The following BCAR1 variants were observed in gnomAD, a reference collection of about 807,000 sequenced individuals.
BCAR1 encodes BCAR1 scaffold protein, Cas family member, also known as breast cancer anti-estrogen resistance protein 1.
A neutral mutation model predicts 67.6 loss-of-function variants in BCAR1; 30 were observed. The ratio of observed to expected loss-of-function variants is 0.44; its 90% CI spans 0.33 to 0.60. The LOEUF (loss-of-function observed/expected upper bound fraction) is 0.60. BCAR1 is among the 20% of genes least tolerant of loss of function. The pLI is 0.02. For missense variants in BCAR1, 1,313 were observed against 1,222.3 expected (o/e 1.07, Z -1.11); for synonymous variants, 626 against 556.7 (o/e 1.12, Z -1.75).
At chr16:75,265,032 G>A (rs552364218) in intron 1 of BCAR1, 1 of 152,634 alleles carries the variant, frequency 6.6e-6, no homozygotes, top group South Asian at 2.1e-4. Flanking sequence ...CAGGAGGTGA[G>A]ACTGAGATGC....
At chr16:75,256,879 A>G (rs2077788759) in intron 1 of BCAR1, among the ~76,000 whole-genome samples, 1 of 152,220 alleles carries the variant, frequency 6.6e-6, no homozygotes, top group African/African-American at 2.4e-5. Flanking sequence ...GCCCTCCCAG[A>G]CAGGTCCTCC....
chr16:75,253,922 A>C (rs1394177664), upstream of BCAR1, among the ~76,000 whole-genome samples: 1 of 151,550 alleles, frequency 6.6e-6, no homozygotes, highest in African/African-American at 2.4e-5. Flanking sequence ...CCATGCATTT[A>C]TTTTGTGCAC....
chr16:75,258,110 C>T (rs550164226), intron 1 of BCAR1, among the ~76,000 whole-genome samples: 2 of 152,354 alleles, frequency 1.3e-5, no homozygotes, highest in South Asian at 4.1e-4. Flanking sequence ...CACCCTGCGC[C>T]ATCACACACT....
chr16:75,237,797 G>A (rs545226229), intron 2 of BCAR1, among the ~76,000 whole-genome samples: 2 of 152,172 alleles, frequency 1.3e-5, no homozygotes, highest in East Asian at 3.9e-4. Context: ...CCACCTAGCT[G>A]TAGCCTCCTC....
chr16:75,266,154 T>A (rs1202592656), intron 1 of BCAR1: 7 of 479,428 alleles, frequency 1.5e-5, no homozygotes, highest in Non-Finnish European at 1.9e-5. Flanking sequence ...GCGGGCCACC[T>A]CCAGTCGCAC....
At chr16:75,266,937 C>G (rs979732148) in intron 1 of BCAR1, 26 of 270,584 alleles carry the variant, frequency 9.6e-5, no homozygotes, top group African/African-American at 5.5e-4. Flanking sequence ...CCTAGGGAAT[C>G]TCTGTGTGGG....
At chr16:75,252,696 G>A (rs544648256), upstream of BCAR1, among the ~76,000 whole-genome samples, 17 of 152,332 alleles carry the variant, frequency 1.1e-4, no homozygotes, top group South Asian at 2.1e-4. Context: ...GGGTAGACCC[G>A]GCTTCACGCA....
chr16:75,267,111 G>A (rs140066167), intron 1 of BCAR1, among the ~76,000 whole-genome samples: 122 of 152,300 alleles, frequency 8.0e-4, no homozygotes, highest in African/African-American at 2.9e-3. Flanking sequence ...TTTTCCCCAA[G>A]GGGCGTGCAG....
At chr16:75,252,871 C>A (rs2077707832), upstream of BCAR1, among the ~76,000 whole-genome samples, 1 of 152,190 alleles carries the variant, frequency 6.6e-6, no homozygotes, top group African/African-American at 2.4e-5. Context: ...TGAAAAGGGG[C>A]TAGGACAGCC....
At position 75,238,858 on chromosome 16, in the gene BCAR1, G is replaced by A. The variant is rs888969056; in HGVS notation, c.634-1514C>T. ...CAGGTTGGCTGGGCCTCGAGGCACG[G>A]CCTGAGGCTTCTCCAGGCCTCCCAG... On this transcript the variant is annotated intron_variant, in intron 2 of 6. Transcript: ENST00000162330. The A allele has an allele frequency of 4.1e-6, 4 of 985,284 alleles. No individual in the cohort carries two copies. In the African/African-American group the frequency reaches 7.0e-5, roughly 17 times the overall value. The allele number at this position is 985,284 out of a possible 1,614,324, so 61.0% of individuals were successfully genotyped here.
Position 75,235,814 on chromosome 16 carries a change from T to A in BCAR1, c.1085A>T (p.Tyr362Phe). 6.3e-7 allele frequency: 1 copy of A among 1,591,238 alleles called. No individual in the cohort carries two copies. Among genetic ancestry groups the A allele is most frequent in the South Asian group, 1.1e-5 (1 of 87,960 alleles). ...PPDSPPAEDV[Y>F]DVPPPAPDLY... ...GTCAGGAGCCGGGGGCGGCACGTCATACACGTCCTCGGCCGGCGGGGAGTC... is the reference window on the plus strand; with the variant it reads ...GTCAGGAGCCGGGGGCGGCACGTCAAACACGTCCTCGGCCGGCGGGGAGTC... Residue 362 changes from tyrosine (Y) to phenylalanine (F), a missense_variant, in exon 5 of 7, where the codon TAT becomes TTT. Coordinates refer to ENST00000162330, the MANE Select transcript of BCAR1 (RefSeq NM_014567.5).
rs201994321 is a variant in BCAR1, at chr16:75,234,848, C to T, written c.2010+41G>A. 72 of 1,515,124 alleles carry T rather than the reference C, an allele frequency of 4.8e-5. No homozygotes were observed. In the Admixed American group the frequency reaches 9.5e-4, roughly 20 times the overall value. The allele number at this position is 1,515,124 out of a possible 1,614,324, so 93.9% of individuals were successfully genotyped here. A position where few individuals can be genotyped will look rare whatever the true frequency, so the allele number is the denominator to read the frequency against. On this transcript the variant is annotated intron_variant, in intron 5 of 6. Transcript: ENST00000162330. Reference sequence around the variant, plus strand: ...TCTCCCCCTAAGCACAGGAGCCCAGCGTGGCAGAAGAGGAGCCGGGGCTGG... The same window carrying T: ...TCTCCCCCTAAGCACAGGAGCCCAGTGTGGCAGAAGAGGAGCCGGGGCTGG...
In BCAR1 at chr16:75,228,316, A is replaced by C. The variant is rs1483130369; in HGVS notation, c.*1195T>G. On this transcript the variant is annotated 3_prime_UTR_variant, in exon 7 of 7. Transcript: ENST00000162330. ...AGAGGTAAGATCAGGAGGGCTTGCG[A>C]ATCACCCAGCCCTACTCCCTTCTTC... 1 of 152,198 alleles carries C rather than the reference A, an allele frequency of 6.6e-6. No individual in the cohort carries two copies. 9.4% of individuals were successfully genotyped at this position (152,198 alleles called of 1,614,324 possible). A position where few individuals can be genotyped will look rare whatever the true frequency, so the allele number is the denominator to read the frequency against.
intron 2 of BCAR1, among the ~76,000 whole-genome samples, chr16:75,241,077 C>T (rs557891542): frequency 1.8e-4 from 28 of 152,372 alleles, no homozygotes; most frequent in Admixed American, 1.1e-3. Context: ...CGTGTGCATA[C>T]GCACATACAT....
At chr16:75,236,444 C>G (rs191884831) in intron 4 of BCAR1, 256 of 336,092 alleles carry the variant, frequency 7.6e-4, no homozygotes, top group African/African-American at 5.0e-3. Flanking sequence ...TGTTACCACC[C>G]AGCACCACCA....
intron 6 of BCAR1, among the ~76,000 whole-genome samples, chr16:75,230,491 CATT>C (rs976677852): frequency 2.0e-5 from 3 of 152,180 alleles, no homozygotes; most frequent in African/African-American, 4.8e-5. Context: ...GTAACATACA[CATT>C]ATAAAAAGAT....
At chr16:75,243,936 G>C (rs1205049243) in intron 1 of BCAR1, among the ~76,000 whole-genome samples, 1 of 152,248 alleles carries the variant, frequency 6.6e-6, no homozygotes, top group Non-Finnish European at 1.5e-5. Context: ...AGAGACAGAG[G>C]ATCCCTGGCT....
At chr16:75,249,800 C>T (rs2077619570) in intron 1 of BCAR1, 1 of 152,256 alleles carries the variant, frequency 6.6e-6, no homozygotes, top group Non-Finnish European at 1.5e-5. Context: ...TTGACAACTC[C>T]AAAAGAGCAT....
chr16:75,262,962 T>C (rs556745708), intron 1 of BCAR1, among the ~76,000 whole-genome samples: 3 of 152,334 alleles, frequency 2.0e-5, no homozygotes, highest in Non-Finnish European at 2.9e-5. Context: ...GTAGAGGCCA[T>C]GCAGGACGAT....
Sources: allele counts gnomAD v4.1 joint callset (sites outside exome capture counted in the v4.1 genomes callset), GRCh38; gene constraint gnomAD v4.1.1; transcripts MANE v1.5; gene names NCBI Gene and HGNC (gene_info 2026-07-23, HGNC 2026-07-21).